IRGM: variants seen among roughly 807,000 people sequenced by gnomAD.
IRGM encodes the protein immunity related GTPase M.
For synonymous variants in IRGM, 98 were observed against 80.6 expected, an observed-to-expected ratio of 1.22 and a Z score of -1.16; for missense variants, 288 against 219.9, an observed-to-expected ratio of 1.31 and a Z score of -1.96.
chr5:150,895,864 GAACT>G, intron 3 of IRGM: 1 of 1,613,626 alleles, frequency 6.2e-7, no homozygotes, highest in Non-Finnish European at 8.5e-7. Flanking sequence ...TCCCCAGTAT[GAACT>G]AACTGATGTG....
At chr5:150,850,321 T>C (rs1039497498), downstream of IRGM, among the ~76,000 whole-genome samples, 3 of 152,232 alleles carry the variant, frequency 2.0e-5, no homozygotes, top group African/African-American at 4.8e-5. Flanking sequence ...TTCCTAATAA[T>C]AAGAAATTGT....
At chr5:150,886,493 C>A (rs542399635) in intron 3 of IRGM, among the ~76,000 whole-genome samples, 1 of 151,936 alleles carries the variant, frequency 6.6e-6, no homozygotes, top group Non-Finnish European at 1.5e-5. Flanking sequence ...TTTCATTGTA[C>A]ATACAGTAGA....
At chr5:150,900,403 G>C (rs1484298385) in intron 3 of IRGM, among the ~76,000 whole-genome samples, 2 of 151,996 alleles carry the variant, frequency 1.3e-5, no homozygotes, top group Non-Finnish European at 2.9e-5. Flanking sequence ...ATGAGCCAAA[G>C]TTCAATAATC....
At chr5:150,889,159 A>G (rs1042275486) in intron 3 of IRGM, among the ~76,000 whole-genome samples, 1 of 151,838 alleles carries the variant, frequency 6.6e-6, no homozygotes, top group Non-Finnish European at 1.5e-5. Flanking sequence ...TTTTTTACAT[A>G]CATGACCGTA....
chr5:150,861,569 G>A (rs1754136499), intron 1 of IRGM, among the ~76,000 whole-genome samples: 1 of 152,164 alleles, frequency 6.6e-6, no homozygotes, highest in South Asian at 2.1e-4. Flanking sequence ...TTCCAAATGG[G>A]CATGTTTGTT....
At chr5:150,892,830 G>C (rs1156909563) in intron 3 of IRGM, among the ~76,000 whole-genome samples, 2 of 152,028 alleles carry the variant, frequency 1.3e-5, no homozygotes, top group Non-Finnish European at 2.9e-5. Context: ...CTGCAGCCTT[G>C]AGCTCCTGGG....
At chr5:150,851,193 C>T (rs1382115008), downstream of IRGM, among the ~76,000 whole-genome samples, 1 of 152,102 alleles carries the variant, frequency 6.6e-6, no homozygotes, top group Non-Finnish European at 1.5e-5. Context: ...GGAACAGCAA[C>T]CTGGTGATCT....
intron 1 of IRGM, among the ~76,000 whole-genome samples, chr5:150,874,045 G>T (rs1754328503): frequency 6.6e-6 from 1 of 152,182 alleles, no homozygotes; most frequent in Non-Finnish European, 1.5e-5. Flanking sequence ...ACCAGAAATG[G>T]TTTCATTGCT....
At chr5:150,895,294 C>T in intron 3 of IRGM, 3 of 651,558 alleles carry the variant, frequency 4.6e-6, no homozygotes, top group Non-Finnish European at 7.3e-6. Context: ...TAGGCATCAC[C>T]AAACTAGAAA....
chr5:150,874,511 A>G (rs1754334517), intron 1 of IRGM, among the ~76,000 whole-genome samples: 1 of 152,252 alleles, frequency 6.6e-6, no homozygotes, highest in South Asian at 2.1e-4. Context: ...CAACAAGGAA[A>G]GAGGCATAAC....
chr5:150,846,538 C>T lies in IRGM; in HGVS notation c.-1098C>T, dbSNP rs1340713417. 2 of 152,188 alleles carry T rather than the reference C, an allele frequency of 1.3e-5. No individual in the cohort carries two copies. Among genetic ancestry groups the T allele is most frequent in the Admixed American group, 1.3e-4 (2 of 15,274 alleles). 9.4% of individuals were successfully genotyped at this position (152,188 alleles called of 1,614,324 possible). Reference sequence around the variant, plus strand: ...CCAGCAGTGGTAACCTGCTCAGGTCCCCTTCCATGCTGTGGAAGCTTTGTT... The same window carrying T: ...CCAGCAGTGGTAACCTGCTCAGGTCTCCTTCCATGCTGTGGAAGCTTTGTT... On this transcript the variant is annotated 5_prime_UTR_variant, in exon 1 of 2. Transcript: ENST00000522154.
chr5:150,889,902 T>C (rs1334263845), intron 3 of IRGM, among the ~76,000 whole-genome samples: 1 of 152,134 alleles, frequency 6.6e-6, no homozygotes, highest in Non-Finnish European at 1.5e-5. Context: ...TGATGTATTA[T>C]CCTTTTTATA....
In IRGM at chr5:150,848,418, A is replaced by G; in HGVS notation, c.295A>G (p.Thr99Ala). 2 of 1,551,860 alleles carry G rather than the reference A, an allele frequency of 1.3e-6. No individual in the cohort carries two copies. The highest frequency in any genetic ancestry group is 2.4e-5 in the South Asian group (2 of 84,066). Residue 99 changes from threonine (T) to alanine (A), a missense_variant, in exon 2 of 2, where the codon ACA becomes GCA. Coordinates refer to ENST00000522154, the MANE Select transcript of IRGM (RefSeq NM_001145805.2). The part of the protein sequence containing the change: ...WDLPGTGSAT[T>A]TLENYLMEMQ... ...CCTGCCTGGCACAGGGTCTGCCACC[A>G]CAACCCTGGAGAACTACCTGATGGA...
intron 1 of IRGM, among the ~76,000 whole-genome samples, chr5:150,854,256 A>T (rs949169124): frequency 3.3e-5 from 5 of 152,190 alleles, no homozygotes; most frequent in African/African-American, 1.2e-4. Flanking sequence ...CAATCTTTAT[A>T]TATGTTGTGT....
chr5:150,858,342 T>G (rs1318338954), intron 1 of IRGM, among the ~76,000 whole-genome samples: 1 of 152,208 alleles, frequency 6.6e-6, no homozygotes, highest in African/African-American at 2.4e-5. Context: ...TGTAGTATAG[T>G]TTGAAGTCAG....
At chr5:150,878,104 G>A (rs905630600) in exon 2 of IRGM, 5 of 443,896 alleles carry the variant, frequency 1.1e-5, no homozygotes, top group Non-Finnish European at 1.8e-5. Flanking sequence ...AAATAGCAAG[G>A]CCCAGCTCAG....
chr5:150,861,466 G>A lies in IRGM; in HGVS notation c.158+12812G>A, dbSNP rs375055547. Among the ~76,000 whole-genome samples the A allele has an allele frequency of 3.3e-4, 50 of 152,338 alleles. 1 individual carries two copies. In the South Asian group the frequency reaches 0.01, roughly 32 times the overall value. On this transcript the variant is annotated intron_variant and NMD_transcript_variant, in intron 1 of 3. Coordinates refer to the IRGM transcript ENST00000520549. ...AGTCACAGGGCAGGGTCAGATTCAA[G>A]AGGAGGGGACTAAATGAGGGGAACA...
chr5:150,877,659 T>C (rs1754383874), intron 1 of IRGM, among the ~76,000 whole-genome samples: 1 of 152,096 alleles, frequency 6.6e-6, no homozygotes, highest in African/African-American at 2.4e-5. Context: ...ACAGAGAGGG[T>C]AAGTAGCCTG....
At chr5:150,856,356 G>A (rs943319401) in intron 1 of IRGM, among the ~76,000 whole-genome samples, 8 of 152,068 alleles carry the variant, frequency 5.3e-5, no homozygotes, top group African/African-American at 1.7e-4. Flanking sequence ...GCTTGAACCT[G>A]GGAGGCAGAG....
Sources: allele counts gnomAD v4.1 joint callset (sites outside exome capture counted in the v4.1 genomes callset), GRCh38; gene constraint gnomAD v4.1.1; transcripts MANE v1.5; gene names NCBI Gene and HGNC (gene_info 2026-07-23, HGNC 2026-07-21).